Variants in THRB observed in about 807,000 individuals in gnomAD.
THRB encodes thyroid hormone receptor beta, also known as nuclear receptor subfamily 1 group A member 2.
A neutral mutation model predicts 47.8 loss-of-function variants in THRB; 12 were observed. That is an observed-to-expected ratio of 0.25 (90% CI 0.16 to 0.41). The LOEUF is 0.41. THRB is among the 10% of genes least tolerant of loss of function. The probability of loss-of-function intolerance (pLI) is 1.00; values close to 1 mark genes in which losing one functional copy is unlikely to be tolerated. For synonymous variants in THRB, 218 were observed against 212.2 expected (o/e 1.03, Z -0.24); for missense variants, 348 against 589.2 (o/e 0.59, Z 4.24).
In THRB at chr3:24,143,525, G is replaced by A; in HGVS notation, c.714C>T (p.His238=). 6.2e-7 allele frequency: 1 copy of A among 1,614,130 alleles called. No individual in the cohort carries two copies. Among genetic ancestry groups the A allele is most frequent in the Non-Finnish European group, 8.5e-7 (1 of 1,180,018 alleles). Residue 238 remains histidine, a synonymous_variant, in exon 8 of 11, where the codon CAC becomes CAT. Transcript: ENST00000646209. ...CCAGGAATTTCCGTTTTTGCTTCCA[G>A]TGGCTGCCTTGGGCGTTGGTCGCCA... The part of the protein sequence containing the change: ...AHVATNAQGS[H]WKQKRKFLPE...
intron 1 of THRB, among the ~76,000 whole-genome samples, chr3:24,433,773 G>A (rs918088888): frequency 7.2e-5 from 11 of 151,944 alleles, no homozygotes; most frequent in Non-Finnish European, 1.5e-4. Flanking sequence ...ATTCAGCCTC[G>A]CAATTCAGTG....
At chr3:24,132,332 A>G (rs1440453199) in intron 9 of THRB, among the ~76,000 whole-genome samples, 2 of 152,238 alleles carry the variant, frequency 1.3e-5, no homozygotes, top group African/African-American at 4.8e-5. Flanking sequence ...TCCAGAAAAC[A>G]TAACCCCATT....
At position 24,465,348 on chromosome 3, in the gene THRB, T is replaced by C. The variant is rs76247835; in HGVS notation, c.-261+29304A>G. Among the ~76,000 whole-genome samples the C allele has an allele frequency of 2.7e-3, 414 of 152,288 alleles. 4 individuals carry two copies. Among genetic ancestry groups the C allele is most frequent in the Non-Finnish European group, 4.6e-3 (315 of 68,016 alleles). ...AACGTTATCTCTACTCCAACCCCAT[T>C]ACATTTGATTGGTTTTATTCTCATC... On this transcript the variant is annotated intron_variant, in intron 1 of 10. Transcript: ENST00000646209.
intron 4 of THRB, among the ~76,000 whole-genome samples, chr3:24,214,284 G>A (rs2046346266): frequency 6.6e-6 from 1 of 152,152 alleles, no homozygotes; most frequent in African/African-American, 2.4e-5. Flanking sequence ...AAGATGGTAT[G>A]TACTTTGGTC....
chr3:24,418,068 T>G (rs2068904397), intron 1 of THRB, among the ~76,000 whole-genome samples: 1 of 151,864 alleles, frequency 6.6e-6, no homozygotes, highest in South Asian at 2.1e-4. Context: ...TCTTTTTTCC[T>G]TCCCTCCTCC....
At chr3:24,209,584 C>T (rs2045791444) in intron 4 of THRB, among the ~76,000 whole-genome samples, 3 of 152,062 alleles carry the variant, frequency 2.0e-5, no homozygotes, top group African/African-American at 7.2e-5. Flanking sequence ...GACAAAAAAC[C>T]AAACACCCCA....
At chr3:24,361,915 C>T (rs1289361269) in intron 1 of THRB, among the ~76,000 whole-genome samples, 1 of 152,080 alleles carries the variant, frequency 6.6e-6, no homozygotes, top group East Asian at 1.9e-4. Context: ...ATACTACTTG[C>T]CCATATCCTT....
At chr3:24,360,177 T>G (rs1006270183) in intron 1 of THRB, among the ~76,000 whole-genome samples, 1 of 152,170 alleles carries the variant, frequency 6.6e-6, no homozygotes, top group Non-Finnish European at 1.5e-5. Flanking sequence ...CCAGGTGCTT[T>G]ACACATGTTT....
chr3:24,328,287 T>C (rs1465064915), intron 2 of THRB, among the ~76,000 whole-genome samples: 4 of 152,228 alleles, frequency 2.6e-5, no homozygotes, highest in South Asian at 2.1e-4. Context: ...AAAATGTATA[T>C]ATAAGTATAT....
intron 1 of THRB, among the ~76,000 whole-genome samples, chr3:24,373,973 C>A (rs2065098610): frequency 6.6e-6 from 1 of 151,926 alleles, no homozygotes; most frequent in South Asian, 2.1e-4. Flanking sequence ...GTTTATAAAT[C>A]TTCTTTCACT....
chr3:24,373,968 T>C (rs2065097729), intron 1 of THRB, among the ~76,000 whole-genome samples: 1 of 152,132 alleles, frequency 6.6e-6, no homozygotes, highest in Non-Finnish European at 1.5e-5. Flanking sequence ...TTTTGGTTTA[T>C]AAATCTTCTT....
At chr3:24,473,260 T>C (rs1694967434) in intron 1 of THRB, among the ~76,000 whole-genome samples, 1 of 152,232 alleles carries the variant, frequency 6.6e-6, no homozygotes, top group Non-Finnish European at 1.5e-5. Context: ...AAAATACGAT[T>C]AGTGATGCAT....
At chr3:24,264,146 C>T (rs1006483976) in intron 3 of THRB, among the ~76,000 whole-genome samples, 35 of 152,114 alleles carry the variant, frequency 2.3e-4, no homozygotes, top group Admixed American at 1.9e-3. Context: ...GGCTGTTTTT[C>T]CTCACTCACT....
chr3:24,394,356 T>C (rs972209658), intron 1 of THRB, among the ~76,000 whole-genome samples: 1 of 152,140 alleles, frequency 6.6e-6, no homozygotes, highest in Non-Finnish European at 1.5e-5. Flanking sequence ...CCAGTACTTT[T>C]AGAGCTAAAG....
At chr3:24,444,465 C>G (rs2125444370) in intron 1 of THRB, among the ~76,000 whole-genome samples, 1 of 151,582 alleles carries the variant, frequency 6.6e-6, no homozygotes, top group African/African-American at 2.4e-5. Context: ...AATGCAGGAC[C>G]TCTACAAATA....
chr3:24,422,316 T>C (rs1194993892), intron 1 of THRB, among the ~76,000 whole-genome samples: 3 of 151,892 alleles, frequency 2.0e-5, no homozygotes, highest in African/African-American at 7.2e-5. Context: ...TAAGAAGGAA[T>C]TGTGGTCATC....
At chr3:24,319,279 T>C (rs915203610) in intron 2 of THRB, among the ~76,000 whole-genome samples, 1 of 152,216 alleles carries the variant, frequency 6.6e-6, no homozygotes, top group South Asian at 2.1e-4. Flanking sequence ...GAAATGGATA[T>C]GTCCACCAAA....
chr3:24,217,856 A>G (rs549613574), intron 4 of THRB, among the ~76,000 whole-genome samples: 9 of 152,384 alleles, frequency 5.9e-5, no homozygotes, highest in African/African-American at 1.9e-4. Context: ...CAAATGTTTA[A>G]AGATGCTTAT....
chr3:24,200,838 G>A (rs1451953267), intron 4 of THRB, among the ~76,000 whole-genome samples: 1 of 152,272 alleles, frequency 6.6e-6, no homozygotes, highest in Non-Finnish European at 1.5e-5. Context: ...TTTTACACTG[G>A]TGAGATCTCC....
Sources: allele counts gnomAD v4.1 joint callset (sites outside exome capture counted in the v4.1 genomes callset), GRCh38; gene constraint gnomAD v4.1.1; transcripts MANE v1.5; gene names NCBI Gene and HGNC (gene_info 2026-07-23, HGNC 2026-07-21).